NOSIP: variants seen among roughly 807,000 people sequenced by gnomAD.
The protein encoded by NOSIP is nitric oxide synthase-interacting protein.
NOSIP carries 25 observed loss-of-function variants against 36.4 expected under a neutral mutation model. The ratio of observed to expected loss-of-function variants is 0.69; its 90% CI spans 0.50 to 0.96. The LOEUF (loss-of-function observed/expected upper bound fraction) is 0.96, where lower values mean the gene tolerates loss of function less well. Among genes scored for constraint, NOSIP ranks in the 40% least tolerant of loss-of-function variants. The pLI, the probability that NOSIP is intolerant of heterozygous loss-of-function variation, is 0.00. For synonymous variants in NOSIP, 187 were observed against 179.2 expected (o/e 1.04, Z -0.35); for missense variants, 370 against 429.0 (o/e 0.86, Z 1.21).
chr19:49,565,854 T>G (rs987528730), intron 1 of NOSIP, among the ~76,000 whole-genome samples: 1 of 152,116 alleles, frequency 6.6e-6, no homozygotes, highest in Non-Finnish European at 1.5e-5. Flanking sequence ...AGGCACGTCC[T>G]TGGTCTTTAT....
intron 6 of NOSIP, 50 bp from the exon 7 acceptor site, chr19:49,556,786 G>A: frequency 6.3e-7 from 1 of 1,587,428 alleles, no homozygotes; most frequent in Non-Finnish European, 8.6e-7. Context: ...TGGCGCAGGT[G>A]GAGAGCGCGT....
At chr19:49,578,071 C>T (rs2080577139) in intron 1 of NOSIP, among the ~76,000 whole-genome samples, 1 of 151,472 alleles carries the variant, frequency 6.6e-6, no homozygotes, top group African/African-American at 2.4e-5. Context: ...CTAAACACCA[C>T]TGAATTGTAT....
intron 1 of NOSIP, among the ~76,000 whole-genome samples, chr19:49,563,198 C>G (rs2080358387): frequency 1.3e-5 from 2 of 149,728 alleles, no homozygotes; most frequent in South Asian, 4.2e-4. Flanking sequence ...TTTTTTGAGA[C>G]AGGGACTCAC....
chr19:49,560,291 T>C lies in NOSIP; in HGVS notation c.71-252A>G. 1 of 577,502 alleles carries C rather than the reference T, an allele frequency of 1.7e-6. No individual in the cohort carries two copies. Among genetic ancestry groups the C allele is most frequent in the Non-Finnish European group, 3.1e-6 (1 of 323,198 alleles). The allele number at this position is 577,502 out of a possible 1,614,324, so 35.8% of individuals were successfully genotyped here. ...GCAGCTTGGTGGAGGGGCTGACGGCTGACTCCCCTCCACCCTTCTGACTGT... is the reference window on the plus strand; with the variant it reads ...GCAGCTTGGTGGAGGGGCTGACGGCCGACTCCCCTCCACCCTTCTGACTGT... On this transcript the variant is annotated intron_variant, in intron 2 of 8. Transcript: ENST00000596358. This position sits in a 1 kb window ranked among gnomAD's most constrained non-coding sequence, Gnocchi z 4.6.
chr19:49,570,626 A>G (rs1213793674), intron 1 of NOSIP, among the ~76,000 whole-genome samples: 1 of 151,820 alleles, frequency 6.6e-6, no homozygotes, highest in African/African-American at 2.4e-5. Context: ...AACTTGACCC[A>G]GGGTCCCCTC....
chr19:49,556,134 C>CGGGGG (rs199673125), intron 8 of NOSIP, among the ~76,000 whole-genome samples, 183 bp downstream of exon 8: 14 of 53,568 alleles, frequency 2.6e-4, no homozygotes, highest in South Asian at 1.8e-3. Context: ...CCTAGGAGAG[C>CGGGGG]GGAGGGGGGG....
intron 1 of NOSIP, among the ~76,000 whole-genome samples, chr19:49,565,710 A>G (rs2080397286): frequency 6.6e-6 from 1 of 152,076 alleles, no homozygotes; most frequent in African/African-American, 2.4e-5. Context: ...GTGAGCCAAG[A>G]TGGAGCCACT....
Position 49,556,897 on chromosome 19 carries a change from T to C in NOSIP, c.515A>G (p.Lys172Arg), listed in dbSNP as rs1356027900. Reference sequence around the variant, plus strand: ...CACCGGCTTCTCCAGCTTGGTGGCCTTGGCTTCGGGCGTCAGCGACGGGAT... The same window carrying C: ...CACCGGCTTCTCCAGCTTGGTGGCCCTGGCTTCGGGCGTCAGCGACGGGAT... Reference protein sequence around the residue: ...FWIPSLTPEAKATKLEKPSRT... With the variant: ...FWIPSLTPEARATKLEKPSRT... Residue 172 changes from lysine (K) to arginine (R), a missense_variant, in exon 6 of 9, where the codon AAG becomes AGG. Transcript: ENST00000596358. 6.2e-7 allele frequency: 1 copy of C among 1,613,374 alleles called. No homozygotes were observed. Among genetic ancestry groups the C allele is most frequent in the Middle Eastern group, 1.7e-4 (1 of 6,056 alleles).
In NOSIP at chr19:49,574,452, T is replaced by C. The variant is rs141576321; in HGVS notation, c.-2+6063A>G. Among the ~76,000 whole-genome samples, 6 of 152,334 alleles carry C rather than the reference T, an allele frequency of 3.9e-5. No homozygotes were observed. The East Asian group carries it at 1.2e-3, about 29-fold the overall frequency. On this transcript the variant is annotated intron_variant, in intron 1 of 8. Transcript: ENST00000596358. ...AAAGGAGAGGCTGATGGGGCCTGGA[T>C]AGTCACAGGATGCTAATTCTTGCTA...
In NOSIP at chr19:49,556,588, C is replaced by A; in HGVS notation, c.686G>T (p.Ser229Ile). The A allele has an allele frequency of 6.2e-7, 1 of 1,606,316 alleles. No individual in the cohort carries two copies. Among genetic ancestry groups the A allele is most frequent in the Non-Finnish European group, 8.5e-7 (1 of 1,179,444 alleles). Residue 229 changes from serine (S) to isoleucine (I), a missense_variant, in exon 7 of 9, where the codon AGC (serine) becomes ATC (isoleucine). Transcript: ENST00000596358. Reference protein sequence around the residue: ...ERYVCAVTRDSLSNATPCAVL... With the variant: ...ERYVCAVTRDILSNATPCAVL... ...AGCGCAGGGGGTGGCGTTGCTCAGG[C>A]TGTCGCGGGTCACGGCACACACGTA...
intron 8 of NOSIP, 48 bp downstream of exon 8, chr19:49,556,269 G>T: frequency 1.7e-6 from 2 of 1,168,360 alleles, no homozygotes; most frequent in Non-Finnish European, 2.4e-6. Flanking sequence ...TGAAGGGGAG[G>T]GGCGGGGCCT....
intron 3 of NOSIP, 161 bp from the exon 4 acceptor site, chr19:49,559,139 G>C: frequency 1.5e-6 from 1 of 653,836 alleles, no homozygotes; most frequent in South Asian, 1.8e-5. Flanking sequence ...CATGGTGATA[G>C]TTTACTGCAG....
chr19:49,580,154 C>T (rs1407774702), intron 1 of NOSIP, among the ~76,000 whole-genome samples: 2 of 151,442 alleles, frequency 1.3e-5, no homozygotes, highest in African/African-American at 2.4e-5. Flanking sequence ...CTCCTCAACT[C>T]CCACTCCTTA....
At position 49,556,429 on chromosome 19, in the gene NOSIP, C is replaced by T. The variant is rs924413035; in HGVS notation, c.726-4G>A. 5 of 1,611,912 alleles carry T rather than the reference C, an allele frequency of 3.1e-6. No homozygotes were observed. Among genetic ancestry groups the T allele is most frequent in the East Asian group, 2.2e-5 (1 of 44,856 alleles). ...TTCGAGGGTGACCACAGCCCCACTACGGTGAGGCCGAAGGCGGGAGACTCT... is the reference window on the plus strand; with the variant it reads ...TTCGAGGGTGACCACAGCCCCACTATGGTGAGGCCGAAGGCGGGAGACTCT... On this transcript the variant is annotated splice_polypyrimidine_tract_variant and splice_region_variant and intron_variant, in intron 7 of 8. Transcript: ENST00000596358.
At chr19:49,570,106 A>C (rs113359421) in intron 1 of NOSIP, among the ~76,000 whole-genome samples, 1 of 114,282 alleles carries the variant, frequency 8.8e-6, no homozygotes, top group African/African-American at 6.4e-5. Context: ...CTCATCTCAA[A>C]AAATAAAGAA....
intron 1 of NOSIP, among the ~76,000 whole-genome samples, chr19:49,562,735 G>A (rs2080352233): frequency 6.6e-6 from 1 of 152,038 alleles, no homozygotes; most frequent in African/African-American, 2.4e-5. Context: ...ACAAAAATTA[G>A]CTGGGTGTGA....
chr19:49,570,070 A>G (rs905281667), intron 1 of NOSIP, among the ~76,000 whole-genome samples: 5 of 151,398 alleles, frequency 3.3e-5, no homozygotes, highest in Non-Finnish European at 7.4e-5. Flanking sequence ...GACTGTGCCA[A>G]TGCACTCCAG....
At chr19:49,562,948 C>T (rs2080355399) in intron 1 of NOSIP, among the ~76,000 whole-genome samples, 1 of 152,192 alleles carries the variant, frequency 6.6e-6, no homozygotes, top group African/African-American at 2.4e-5. Flanking sequence ...TAAGTTGCCA[C>T]CTAAAAATTC....
At chr19:49,567,334 G>A (rs1798830942) in intron 1 of NOSIP, among the ~76,000 whole-genome samples, 1 of 149,132 alleles carries the variant, frequency 6.7e-6, no homozygotes, top group Non-Finnish European at 1.5e-5. Flanking sequence ...TGTTAGCCAG[G>A]ATGGTCTCGA....
Sources: allele counts gnomAD v4.1 joint callset (sites outside exome capture counted in the v4.1 genomes callset), GRCh38; gene constraint gnomAD v4.1.1; non-coding constraint Gnocchi (gnomAD v3.1); transcripts MANE v1.5; gene names NCBI Gene and HGNC (gene_info 2026-07-23, HGNC 2026-07-21).